Variants in GLRA2 observed in about 807,000 individuals in gnomAD.
GLRA2 encodes the protein glycine receptor alpha 2.
In GLRA2, 11 loss-of-function variants were observed where a neutral mutation model predicts 31.6. The ratio of observed to expected loss-of-function variants is 0.35; its 90% CI spans 0.22 to 0.58. The LOEUF (loss-of-function observed/expected upper bound fraction) is 0.58, where lower values mean the gene tolerates loss of function less well. Among genes scored for constraint, GLRA2 ranks in the 20% least tolerant of loss-of-function variants. The pLI, the probability that GLRA2 is intolerant of heterozygous loss-of-function variation, is 0.84. For synonymous variants in GLRA2, 132 were observed against 134.0 expected, an observed-to-expected ratio of 0.99 and a Z score of 0.10; for missense variants, 212 against 351.8, an observed-to-expected ratio of 0.60 and a Z score of 3.18.
chrX:14,596,094 C>A (rs1047201832), intron 4 of GLRA2, among the ~76,000 whole-genome samples: 1 of 111,295 alleles, frequency 9.0e-6, no homozygotes, highest in Non-Finnish European at 1.9e-5. Context: ...ATGACCAGTA[C>A]CATGAGATTT....
intron 2 of GLRA2, among the ~76,000 whole-genome samples, chrX:14,566,006 T>C (rs2089800461): frequency 2.7e-5 from 3 of 109,552 alleles, no homozygotes; most frequent in African/African-American, 9.9e-5. Flanking sequence ...AGAAAAAGAG[T>C]TGCAGAATAA....
rs768847166 is a variant in GLRA2, at chrX:14,726,681, T to G, written c.1081-3526T>G. 7.1e-5 allele frequency among the ~76,000 whole-genome samples: 8 copies of G among 112,641 alleles called. No homozygotes were observed. In the South Asian group the frequency reaches 1.1e-3, roughly 15 times the overall value. On this transcript the variant is annotated intron_variant, in intron 8 of 8. Transcript: ENST00000218075. ...GAGATTCTAACCTGACATCCTTCTA[T>G]TCTAGCTCTGTTAATTGAATGAGTT...
intron 7 of GLRA2, among the ~76,000 whole-genome samples, chrX:14,618,025 G>A (rs1042098494): frequency 1.8e-5 from 2 of 112,031 alleles, no homozygotes; most frequent in Admixed American, 9.5e-5. Flanking sequence ...TAACTTTAGT[G>A]TCCTTGGAAC....
At chrX:14,722,497 C>A (rs1165287519) in intron 8 of GLRA2, among the ~76,000 whole-genome samples, 1 of 111,210 alleles carries the variant, frequency 9.0e-6, no homozygotes, top group African/African-American at 3.3e-5. Context: ...TGATTAGGAG[C>A]AAGTCACAAG....
rs1337436544 is a variant in GLRA2 at position 14,730,264 on chromosome X, T to C, written c.1138T>C (p.Cys380Arg). The change falls in exon 9 of 9, where the codon TGC becomes CGC. Residue 380 changes from cysteine (C) to arginine (R), a missense_variant. Physicochemically the swap from Cys to Arg is radical, Grantham distance 180. Around this residue, in one of 5 missense-constraint regions of GLRA2, gnomAD observed 2 missense variants for 18.7 expected, o/e 0.11. Coordinates refer to ENST00000218075, the MANE Select transcript of GLRA2 (RefSeq NM_002063.4). Reference sequence around the variant, plus strand: ...TTTTAGCGGTTATGGGATGGGTCACTGCCTCCAAGTGAAAGATGGAACAGC... The same window carrying C: ...TTTTAGCGGTTATGGGATGGGTCACCGCCTCCAAGTGAAAGATGGAACAGC... The part of the protein sequence containing the change: ...FNFSGYGMGH[C>R]LQVKDGTAVK... 8.4e-7 allele frequency: 1 copy of C among 1,197,363 alleles called. No individual in the cohort carries two copies. Among genetic ancestry groups the C allele is most frequent in the Non-Finnish European group, 1.1e-6 (1 of 884,306 alleles).
chrX:14,691,707 G>A (rs1396704969), intron 8 of GLRA2, among the ~76,000 whole-genome samples: 2 of 111,912 alleles, frequency 1.8e-5, no homozygotes, highest in East Asian at 5.6e-4. Context: ...TGCTTGGAAA[G>A]CACTGTTCTG....
intron 7 of GLRA2, among the ~76,000 whole-genome samples, chrX:14,622,880 G>C (rs2090538783): frequency 8.9e-6 from 1 of 111,758 alleles, no homozygotes; most frequent in Non-Finnish European, 1.9e-5. Flanking sequence ...TTCCAATTCT[G>C]TGAAGAAAGT....
At chrX:14,520,310 A>G in the GLRA2 span, among the ~76,000 whole-genome samples, 2 of 112,518 alleles carry the variant, frequency 1.8e-5, no homozygotes, top group African/African-American at 6.5e-5. Context: ...GCAACAATCA[A>G]TCTCATTGTT....
At chrX:14,708,977 A>C (rs1271592254) in intron 8 of GLRA2, among the ~76,000 whole-genome samples, 2 of 112,082 alleles carry the variant, frequency 1.8e-5, no homozygotes, top group African/African-American at 6.5e-5. Context: ...ACAGCAACTC[A>C]GGAGTTAAGT....
chrX:14,708,947 G>T (rs1158532337), intron 8 of GLRA2, among the ~76,000 whole-genome samples: 1 of 102,505 alleles, frequency 9.8e-6, no homozygotes, highest in Non-Finnish European at 2.0e-5. Flanking sequence ...CACACAAAAA[G>T]AAAAAAAAAA....
chrX:14,481,915 T>C, the GLRA2 span, among the ~76,000 whole-genome samples: 1 of 111,446 alleles, frequency 9.0e-6, no homozygotes, highest in Non-Finnish European at 1.9e-5. Flanking sequence ...CTGTAAATAC[T>C]GCTTTAGAAA....
At chrX:14,510,687 TA>T in the GLRA2 span, among the ~76,000 whole-genome samples, 1 of 111,538 alleles carries the variant, frequency 9.0e-6, no homozygotes, top group African/African-American at 3.3e-5. Context: ...CAAAACAGAA[TA>T]AAAAAGTCTG....
the GLRA2 span, among the ~76,000 whole-genome samples, chrX:14,506,386 C>A: frequency 1.8e-5 from 2 of 111,056 alleles, no homozygotes; most frequent in African/African-American, 6.6e-5. Flanking sequence ...TCACAGTGCA[C>A]GTTTTCAGTT....
At chrX:14,662,977 C>G (rs949579182) in intron 7 of GLRA2, among the ~76,000 whole-genome samples, 1 of 111,544 alleles carries the variant, frequency 9.0e-6, no homozygotes. Context: ...TACTACTTTA[C>G]TGAACTCTCT....
the GLRA2 span, among the ~76,000 whole-genome samples, chrX:14,500,583 T>C: frequency 8.9e-6 from 1 of 112,174 alleles, no homozygotes; most frequent in Admixed American, 9.4e-5. Flanking sequence ...TGACAGGGAA[T>C]CCAAGATGGT....
intron 7 of GLRA2, among the ~76,000 whole-genome samples, chrX:14,653,004 A>G (rs951824414): frequency 9.0e-6 from 1 of 111,288 alleles, no homozygotes; most frequent in African/African-American, 3.3e-5. Flanking sequence ...ACTCCAGGGA[A>G]CACCTAAATG....
At chrX:14,532,508 C>A in intron 2 of GLRA2, 136 bp downstream of exon 2, 1 of 353,187 alleles carries the variant, frequency 2.8e-6, no homozygotes, top group East Asian at 4.8e-5. Flanking sequence ...TTTTGGTATT[C>A]TTTTGCGTTA....
the GLRA2 span, among the ~76,000 whole-genome samples, chrX:14,472,724 T>C: frequency 6.3e-5 from 7 of 111,562 alleles, no homozygotes; most frequent in Non-Finnish European, 1.3e-4. Context: ...GTATGTTTGG[T>C]CAAATAAGTA....
intron 7 of GLRA2, among the ~76,000 whole-genome samples, chrX:14,621,659 C>A (rs111435256): frequency 9.0e-6 from 1 of 111,453 alleles, no homozygotes; most frequent in African/African-American, 3.3e-5. Context: ...TGATGGTTTC[C>A]AGCTTCATCC....
Sources: allele counts gnomAD v4.1 joint callset (sites outside exome capture counted in the v4.1 genomes callset), GRCh38; gene constraint gnomAD v4.1.1; regional missense constraint gnomAD v4.1.1; transcripts MANE v1.5; gene names NCBI Gene and HGNC (gene_info 2026-07-23, HGNC 2026-07-21).